ESRRG: variants seen among roughly 807,000 people sequenced by gnomAD.
The protein encoded by ESRRG is estrogen related receptor gamma.
In ESRRG, 13 loss-of-function variants were observed where a neutral mutation model predicts 44.0. The ratio of observed to expected loss-of-function variants is 0.30; its 90% confidence interval spans 0.19 to 0.47. The LOEUF is 0.47. Ranked by LOEUF, ESRRG falls within the 20% of genes least tolerant of loss-of-function variation. ESRRG has a pLI of 1.00. For synonymous variants in ESRRG, 215 were observed against 214.6 expected, an observed-to-expected ratio of 1.00 and a Z score of -0.02; for missense variants, 395 against 580.6, an observed-to-expected ratio of 0.68 and a Z score of 3.29.
At chr1:216,932,201 C>T (rs1318127684) in intron 2 of ESRRG, among the ~76,000 whole-genome samples, 1 of 151,826 alleles carries the variant, frequency 6.6e-6, no homozygotes, top group Non-Finnish European at 1.5e-5. Flanking sequence ...GAAACTCCAT[C>T]TTTGGGGGTG....
At chr1:216,793,090 C>T (rs1576606689) in intron 2 of ESRRG, among the ~76,000 whole-genome samples, 1 of 152,256 alleles carries the variant, frequency 6.6e-6, no homozygotes, top group South Asian at 2.1e-4. Flanking sequence ...TCCTCTATGT[C>T]CACCACTCCA....
intron 3 of ESRRG, among the ~76,000 whole-genome samples, chr1:216,591,616 C>T (rs1471470655): frequency 6.6e-6 from 1 of 152,152 alleles, no homozygotes; most frequent in Non-Finnish European, 1.5e-5. Flanking sequence ...ATGGCTGACA[C>T]TGAGGTTGTG....
upstream of ESRRG, chr1:216,723,497 T>A (rs997013341): frequency 1.8e-6 from 1 of 564,616 alleles, no homozygotes; most frequent in African/African-American, 1.9e-5. Flanking sequence ...GGGCTTTACA[T>A]ATGCAGTCCC....
intron 1 of ESRRG, among the ~76,000 whole-genome samples, chr1:217,099,959 G>T (rs548273992): frequency 1.3e-5 from 2 of 149,730 alleles, no homozygotes; most frequent in South Asian, 4.2e-4. Flanking sequence ...TGAATGCTCC[G>T]TTCCGTTACA....
chr1:216,567,246 T>C (rs1444194343), intron 4 of ESRRG, among the ~76,000 whole-genome samples: 1 of 152,208 alleles, frequency 6.6e-6, no homozygotes, highest in Non-Finnish European at 1.5e-5. Flanking sequence ...AACTATTAAC[T>C]GATTTTCAGA....
Position 217,064,633 on chromosome 1 carries a change from G to A in ESRRG, c.-106+24874C>T, listed in dbSNP as rs866434838. Among the ~76,000 whole-genome samples, 18 of 152,270 alleles carry A rather than the reference G, an allele frequency of 1.2e-4. No homozygotes were observed. In the South Asian group the frequency reaches 2.1e-3, roughly 18 times the overall value. ...ATGAGGCCAGGAGATTGAGAAAAGC[G>A]TGCAGCTAACAGGTACAAAATATCA... On this transcript the variant is annotated intron_variant, in intron 1 of 7. Transcript: ENST00000359162.
chr1:216,523,491 T>G (rs1020339499), intron 5 of ESRRG, among the ~76,000 whole-genome samples: 6 of 71,768 alleles, frequency 8.4e-5, no homozygotes, highest in African/African-American at 2.2e-4. Flanking sequence ...TCAAGCACTG[T>G]TTTTTTTTTT....
At chr1:216,796,893 ATTTAT>A (rs1432232787) in intron 2 of ESRRG, among the ~76,000 whole-genome samples, 4 of 151,952 alleles carry the variant, frequency 2.6e-5, no homozygotes, top group African/African-American at 9.7e-5. Context: ...TTATTTATTT[ATTTAT>A]TTTGTCTTTT....
At chr1:216,531,418 G>A (rs1282235589) in intron 5 of ESRRG, among the ~76,000 whole-genome samples, 6 of 152,012 alleles carry the variant, frequency 3.9e-5, no homozygotes, top group Non-Finnish European at 5.9e-5. Context: ...GGCTCAAGCA[G>A]AGCTAAGTCA....
At chr1:216,658,666 CAAAAA>C in intron 2 of ESRRG, among the ~76,000 whole-genome samples, 1 of 130,332 alleles carries the variant, frequency 7.7e-6, no homozygotes, top group Non-Finnish European at 1.6e-5. Flanking sequence ...ACTAAAAATA[CAAAAA>C]AAAAAAAAAA....
intron 1 of ESRRG, among the ~76,000 whole-genome samples, chr1:217,119,466 C>T (rs1434463318): frequency 6.6e-6 from 1 of 152,132 alleles, no homozygotes; most frequent in Non-Finnish European, 1.5e-5. Flanking sequence ...CGACTGAATC[C>T]TAACATCCTA....
Position 216,723,328 on chromosome 1 carries a change from C to A in ESRRG, c.-29G>T. 6.2e-7 allele frequency: 1 copy of A among 1,611,178 alleles called. No homozygotes were observed. The highest frequency in any genetic ancestry group is 2.2e-5 in the East Asian group (1 of 44,874). On this transcript the variant is annotated 5_prime_UTR_variant, in exon 1 of 7. Coordinates refer to ENST00000408911, the MANE Select transcript of ESRRG (RefSeq NM_001438.4). ...CGACCGGCAACCATTATTTGTGCAC[C>A]CCAGCTATAAATCAAAGTTTCCTTG...
intron 3 of ESRRG, among the ~76,000 whole-genome samples, chr1:216,641,912 A>G (rs1385538665): frequency 6.6e-6 from 1 of 152,188 alleles, no homozygotes. Context: ...TTGCCTTCCA[A>G]CATAGTTCAT....
chr1:216,531,628 G>A (rs1469189243), intron 5 of ESRRG, among the ~76,000 whole-genome samples: 2 of 151,992 alleles, frequency 1.3e-5, no homozygotes, highest in African/African-American at 4.8e-5. Context: ...CCATATGAAT[G>A]CAGAATCATT....
At chr1:216,807,147 G>A (rs1288842487) in intron 2 of ESRRG, among the ~76,000 whole-genome samples, 1 of 152,100 alleles carries the variant, frequency 6.6e-6, no homozygotes, top group African/African-American at 2.4e-5. Context: ...ATGAATATTA[G>A]CAAACTAGCT....
chr1:217,133,157 A>G (rs1412972817), intron 1 of ESRRG, among the ~76,000 whole-genome samples: 1 of 152,258 alleles, frequency 6.6e-6, no homozygotes, highest in African/African-American at 2.4e-5. Context: ...AGCTATGGCC[A>G]GCATTGCCGC....
intron 2 of ESRRG, among the ~76,000 whole-genome samples, chr1:216,766,154 G>A (rs1320637420): frequency 6.6e-6 from 1 of 152,030 alleles, no homozygotes. Flanking sequence ...TGGGACAAAG[G>A]AACCCGGTCC....
rs78382194 is a variant in ESRRG at position 217,110,121 on chromosome 1, C to T, written c.-230+27546G>A. Among the ~76,000 whole-genome samples the T allele has an allele frequency of 6.6e-5, 10 of 152,312 alleles. No individual in the cohort carries two copies. The East Asian group carries it at 1.9e-3, about 29-fold the overall frequency. On this transcript the variant is annotated intron_variant, in intron 1 of 8. Coordinates refer to the ESRRG transcript ENST00000366940. ...AACACATGGCACCCAGGCTGCCAGC[C>T]CCACCCAGGTTTGGAACCCATGGAA...
chr1:216,611,756 T>G lies in ESRRG; in HGVS notation c.589+39217A>C, dbSNP rs1428835367. ...TATATTTTGTACTGTGCTAGAGGTA[T>G]GTAAAAAAAAAAAAATTCCTATGGG... On this transcript the variant is annotated intron_variant, in intron 3 of 6. Transcript: ENST00000408911. Among the ~76,000 whole-genome samples the G allele has an allele frequency of 3.4e-5, 5 of 148,226 alleles. No individual in the cohort carries two copies. The East Asian group carries it at 9.7e-4, about 29-fold the overall frequency.
Sources: gnomAD v4.1 joint callset for allele counts (sites outside exome capture counted in the v4.1 genomes callset) on GRCh38, gnomAD v4.1.1 for gene constraint, MANE v1.5 for transcripts, NCBI Gene and HGNC (gene_info 2026-07-23, HGNC 2026-07-21) for gene names.